The following KCNQ3 variants were observed in gnomAD, a reference collection of about 807,000 sequenced individuals.
The protein encoded by KCNQ3 is potassium voltage-gated channel subfamily KQT member 3.
KCNQ3 carries 30 observed loss-of-function variants against 92.5 expected under a neutral mutation model. That is an observed-to-expected ratio of 0.32 (90% confidence interval 0.24 to 0.44). KCNQ3 has a LOEUF of 0.44. KCNQ3 is among the 20% of genes least tolerant of loss of function. The pLI is 1.00. For synonymous variants in KCNQ3, 450 were observed against 468.8 expected (o/e 0.96, Z 0.52); for missense variants, 913 against 1,140.3 (o/e 0.80, Z 2.87).
chr8:132,308,859 C>T (rs1563852456), intron 1 of KCNQ3, among the ~76,000 whole-genome samples: 1 of 152,218 alleles, frequency 6.6e-6, no homozygotes, highest in South Asian at 2.1e-4. Flanking sequence ...ACTAGAATTT[C>T]AGACCAAGTC....
intron 4 of KCNQ3, among the ~76,000 whole-genome samples, chr8:132,178,995 G>A (rs1189556482): frequency 1.4e-5 from 2 of 142,054 alleles, no homozygotes; most frequent in African/African-American, 2.7e-5. Context: ...GCCTACCAGG[G>A]TGGGTGCAAA....
intron 1 of KCNQ3, among the ~76,000 whole-genome samples, chr8:132,315,489 C>T (rs769580873): frequency 6.6e-6 from 1 of 151,918 alleles, no homozygotes; most frequent in African/African-American, 2.4e-5. Flanking sequence ...GACCTTGGCT[C>T]GGGGAAGGGA....
At chr8:132,478,416 A>G (rs1295326091) in intron 1 of KCNQ3, among the ~76,000 whole-genome samples, 2 of 152,204 alleles carry the variant, frequency 1.3e-5, no homozygotes, top group Non-Finnish European at 2.9e-5. Flanking sequence ...CACGTGAATC[A>G]TTGTATGACT....
chr8:132,288,674 G>A (rs1217265035), intron 1 of KCNQ3, among the ~76,000 whole-genome samples: 1 of 152,100 alleles, frequency 6.6e-6, no homozygotes, highest in African/African-American at 2.4e-5. Context: ...TCATAGGGCA[G>A]TGCATTGTAT....
chr8:132,327,995 C>T (rs1267069282), intron 1 of KCNQ3, among the ~76,000 whole-genome samples: 2 of 152,128 alleles, frequency 1.3e-5, no homozygotes, highest in African/African-American at 4.8e-5. Flanking sequence ...CCCACAACCA[C>T]TATGTCCCCT....
chr8:132,206,113 C>A (rs151008111), intron 1 of KCNQ3, among the ~76,000 whole-genome samples: 1 of 152,168 alleles, frequency 6.6e-6, no homozygotes, highest in African/African-American at 2.4e-5. Context: ...CAGTCCTGCC[C>A]CATGTCTTTC....
At chr8:132,352,959 AAGT>A (rs1379358394) in intron 1 of KCNQ3, among the ~76,000 whole-genome samples, 1 of 152,160 alleles carries the variant, frequency 6.6e-6, no homozygotes, top group African/African-American at 2.4e-5. Flanking sequence ...GAAGCACACA[AAGT>A]AGGATTTTAA....
At chr8:132,192,909 A>C (rs966572409) in intron 1 of KCNQ3, among the ~76,000 whole-genome samples, 4 of 152,158 alleles carry the variant, frequency 2.6e-5, no homozygotes, top group Admixed American at 6.5e-5. Context: ...GGCCTTGGAA[A>C]GTGCTGGGAT....
intron 1 of KCNQ3, among the ~76,000 whole-genome samples, chr8:132,399,834 A>G (rs1399706089): frequency 6.6e-6 from 1 of 152,166 alleles, no homozygotes; most frequent in Non-Finnish European, 1.5e-5. Flanking sequence ...TCCTTCTGTA[A>G]AACGGAAACA....
At chr8:132,445,558 C>T (rs889857736) in intron 1 of KCNQ3, among the ~76,000 whole-genome samples, 6 of 152,028 alleles carry the variant, frequency 3.9e-5, no homozygotes, top group Non-Finnish European at 5.9e-5. Context: ...AATAAAAAAA[C>T]GACTCTAATA....
intron 1 of KCNQ3, among the ~76,000 whole-genome samples, chr8:132,431,345 G>A (rs1563909481): frequency 6.6e-6 from 1 of 152,208 alleles, no homozygotes; most frequent in African/African-American, 2.4e-5. Context: ...GTAAGAGTGA[G>A]TCTTTCAGTT....
chr8:132,221,838 A>G (rs1463568684), intron 1 of KCNQ3, among the ~76,000 whole-genome samples: 1 of 152,196 alleles, frequency 6.6e-6, no homozygotes, highest in Non-Finnish European at 1.5e-5. Context: ...TTTAATAAAC[A>G]GTGCTGGGAA....
chr8:132,367,352 G>T (rs1379846693), intron 1 of KCNQ3, among the ~76,000 whole-genome samples: 1 of 152,030 alleles, frequency 6.6e-6, no homozygotes, highest in Non-Finnish European at 1.5e-5. Flanking sequence ...TGTATAAAGA[G>T]CTAGGCCATG....
intron 1 of KCNQ3, among the ~76,000 whole-genome samples, chr8:132,423,426 A>T (rs1212496783): frequency 1.3e-5 from 2 of 152,168 alleles, no homozygotes; most frequent in African/African-American, 4.8e-5. Flanking sequence ...CTGAACATCC[A>T]TCATCTGAAA....
intron 1 of KCNQ3, among the ~76,000 whole-genome samples, chr8:132,388,655 T>C (rs1361822868): frequency 6.6e-6 from 1 of 152,202 alleles, no homozygotes; most frequent in African/African-American, 2.4e-5. Flanking sequence ...CATTTATTAA[T>C]TTCTTATTTA....
chr8:132,406,749 G>A (rs2130791621), intron 1 of KCNQ3, among the ~76,000 whole-genome samples: 1 of 152,324 alleles, frequency 6.6e-6, no homozygotes, highest in Non-Finnish European at 1.5e-5. Flanking sequence ...TATGGAGAGA[G>A]CAGAAACTAC....
intron 13 of KCNQ3, 128 bp from the exon 14 acceptor site, chr8:132,132,392 G>A (rs772693669): frequency 3.2e-4 from 241 of 753,618 alleles, no homozygotes; most frequent in Non-Finnish European, 5.3e-4. Context: ...GCATAAAAGA[G>A]CACCAATCAA....
chr8:132,378,222 C>T (rs1205318186), intron 1 of KCNQ3, among the ~76,000 whole-genome samples: 4 of 151,966 alleles, frequency 2.6e-5, no homozygotes, highest in Non-Finnish European at 5.9e-5. Flanking sequence ...GGTGAAACCT[C>T]GTCCCTACTA....
At chr8:132,333,026 T>C (rs1357365914) in intron 1 of KCNQ3, among the ~76,000 whole-genome samples, 2 of 147,388 alleles carry the variant, frequency 1.4e-5, no homozygotes, top group Non-Finnish European at 3.0e-5. Flanking sequence ...ATTGGATGGA[T>C]GGATGGATGG....
Sources: gnomAD v4.1 joint callset for allele counts (sites outside exome capture counted in the v4.1 genomes callset) on GRCh38, gnomAD v4.1.1 for gene constraint, MANE v1.5 for transcripts, NCBI Gene and HGNC (gene_info 2026-07-23, HGNC 2026-07-21) for gene names.